The following ATP11B variants were observed in gnomAD, a reference collection of about 807,000 sequenced individuals.
ATP11B encodes ATPase phospholipid transporting 11B (putative).
Under a neutral mutation model 157.8 loss-of-function variants are expected in ATP11B, and 81 were observed. That is an observed-to-expected ratio of 0.51 (90% confidence interval 0.43 to 0.62). The LOEUF is 0.62. ATP11B is among the 20% of genes least tolerant of loss of function. The pLI is 0.00. For synonymous variants in ATP11B, 451 were observed against 469.4 expected (o/e 0.96, Z 0.51); for missense variants, 1,165 against 1,402.2 (o/e 0.83, Z 2.70).
intron 4 of ATP11B, among the ~76,000 whole-genome samples, chr3:182,835,497 T>C (rs1718480954): frequency 6.6e-6 from 1 of 152,160 alleles, no homozygotes; most frequent in African/African-American, 2.4e-5. Context: ...GCTTGGTAGA[T>C]GGTGATGTTA....
intron 1 of ATP11B, 114 bp downstream of exon 1, chr3:182,793,900 G>A (rs890343584): frequency 3.3e-6 from 2 of 609,102 alleles, no homozygotes; most frequent in African/African-American, 3.9e-5. Flanking sequence ...GTGGGCGCCC[G>A]GCTAGGCCGC....
intron 28 of ATP11B, among the ~76,000 whole-genome samples, chr3:182,912,071 G>A (rs7617377): frequency 0.48 from 72,315 of 151,496 alleles, 20,045 homozygotes; most frequent in African/African-American, 0.77. Context: ...TTCATGCGGT[G>A]TGGGGCTTTA....
intron 28 of ATP11B, chr3:182,902,677 C>G: frequency 2.1e-6 from 1 of 467,482 alleles, no homozygotes; most frequent in Non-Finnish European, 3.5e-6. Context: ...TTTTTGTTAG[C>G]ATGGCCCTGT....
chr3:182,851,172 G>T (rs1719947296), intron 10 of ATP11B, among the ~76,000 whole-genome samples: 1 of 152,252 alleles, frequency 6.6e-6, no homozygotes, highest in African/African-American at 2.4e-5. Flanking sequence ...TGCGCCTGTA[G>T]TCCCAGCTGC....
chr3:182,885,079 G>GAACC (rs1370458828), intron 22 of ATP11B, among the ~76,000 whole-genome samples, 181 bp downstream of exon 22: 1 of 151,986 alleles, frequency 6.6e-6, no homozygotes, highest in Non-Finnish European at 1.5e-5. Context: ...GGGGCCCAGG[G>GAACC]GTTCCATGCA....
At chr3:182,845,099 G>T (rs1038747502) in intron 8 of ATP11B, among the ~76,000 whole-genome samples, 4 of 150,838 alleles carry the variant, frequency 2.7e-5, no homozygotes, top group African/African-American at 4.9e-5. Context: ...CCGCCTCCAC[G>T]GTTCAAAAAA....
intron 1 of ATP11B, among the ~76,000 whole-genome samples, chr3:182,815,980 G>A (rs1263217599): frequency 2.0e-5 from 3 of 152,050 alleles, no homozygotes; most frequent in African/African-American, 7.2e-5. Context: ...GATTTCTCCA[G>A]GTCTCATTCA....
intron 4 of ATP11B, among the ~76,000 whole-genome samples, chr3:182,831,730 C>T (rs1718159289): frequency 6.6e-6 from 1 of 152,146 alleles, no homozygotes; most frequent in African/African-American, 2.4e-5. Context: ...TCATTTTACT[C>T]TATACTTAAA....
chr3:182,857,702 A>G (rs1424976859), intron 10 of ATP11B, among the ~76,000 whole-genome samples, 176 bp from the exon 11 acceptor site: 1 of 152,196 alleles, frequency 6.6e-6, no homozygotes, highest in Non-Finnish European at 1.5e-5. Flanking sequence ...TTTATTGCTA[A>G]TAAATAAATT....
At chr3:182,800,805 C>CA (rs1379557948) in intron 1 of ATP11B, among the ~76,000 whole-genome samples, 1 of 139,834 alleles carries the variant, frequency 7.2e-6, no homozygotes, top group Non-Finnish European at 1.5e-5. Context: ...TTTTTTAAGA[C>CA]AGTCTCGCTT....
intron 25 of ATP11B, among the ~76,000 whole-genome samples, chr3:182,890,743 A>G (rs1200547655): frequency 6.6e-6 from 1 of 152,208 alleles, no homozygotes; most frequent in African/African-American, 2.4e-5. Context: ...GGTACATTAC[A>G]TGCATTTGCT....
intron 28 of ATP11B, among the ~76,000 whole-genome samples, chr3:182,904,235 A>G (rs1042658551): frequency 1.3e-5 from 2 of 152,198 alleles, no homozygotes; most frequent in African/African-American, 2.4e-5. Flanking sequence ...CACCTGTCAC[A>G]TGATCATTTT....
At chr3:182,851,120 C>T (rs1719942856) in intron 10 of ATP11B, among the ~76,000 whole-genome samples, 1 of 152,084 alleles carries the variant, frequency 6.6e-6, no homozygotes, top group African/African-American at 2.4e-5. Flanking sequence ...TGGCAAAACC[C>T]TGTCTCTACT....
At chr3:182,856,419 A>G (rs1361147320) in intron 10 of ATP11B, among the ~76,000 whole-genome samples, 1 of 152,168 alleles carries the variant, frequency 6.6e-6, no homozygotes, top group Non-Finnish European at 1.5e-5. Context: ...ATGTCTGATG[A>G]GGGTAGACAT....
chr3:182,838,440 C>T (rs565238191), intron 7 of ATP11B, among the ~76,000 whole-genome samples: 18 of 151,966 alleles, frequency 1.2e-4, no homozygotes, highest in African/African-American at 4.3e-4. Flanking sequence ...TATCTTGGAA[C>T]ATGGGGAGAA....
chr3:182,872,945 C>T (rs1172922560), intron 18 of ATP11B, among the ~76,000 whole-genome samples: 1 of 152,172 alleles, frequency 6.6e-6, no homozygotes, highest in African/African-American at 2.4e-5. Flanking sequence ...TGGCCTTCTG[C>T]CTGGGTGATT....
At position 182,920,601 on chromosome 3, in the gene ATP11B, C is replaced by T. The variant is rs1274943864; in HGVS notation, c.*2497C>T. The T allele has an allele frequency of 6.6e-6, 1 of 152,226 alleles. No homozygotes were observed. Among genetic ancestry groups the T allele is most frequent in the Non-Finnish European group, 1.5e-5 (1 of 68,050 alleles). The allele number at this position is 152,226 out of a possible 1,614,324, so 9.4% of individuals were successfully genotyped here. A position where few individuals can be genotyped will look rare whatever the true frequency, so the allele number is the denominator to read the frequency against. On this transcript the variant is annotated 3_prime_UTR_variant, in exon 30 of 30. Transcript: ENST00000323116. The stretch of plus-strand genomic sequence containing the variant: ...AAATACGTTATTGCTAATCAGTGGT[C>T]TCAAATCGATTTGCCTCCCTTTGCC...
At chr3:182,868,167 T>G (rs1411696383) in intron 15 of ATP11B, among the ~76,000 whole-genome samples, 1 of 151,948 alleles carries the variant, frequency 6.6e-6, no homozygotes, top group African/African-American at 2.4e-5. Context: ...AAAGAAAACT[T>G]TCCTTGTATT....
intron 4 of ATP11B, among the ~76,000 whole-genome samples, chr3:182,830,700 G>A (rs1286611289): frequency 6.6e-6 from 1 of 152,144 alleles, no homozygotes; most frequent in African/African-American, 2.4e-5. Context: ...TTACAGTTCT[G>A]GGATGAAGTA....
Sources: gnomAD v4.1 joint callset for allele counts (sites outside exome capture counted in the v4.1 genomes callset) on GRCh38, gnomAD v4.1.1 for gene constraint, MANE v1.5 for transcripts, NCBI Gene and HGNC (gene_info 2026-07-23, HGNC 2026-07-21) for gene names.